PRKN: variants seen among roughly 807,000 people sequenced by gnomAD.
PRKN encodes parkin RBR E3 ubiquitin protein ligase, also known as E3 ubiquitin-protein ligase parkin.
Under a neutral mutation model 59.5 loss-of-function variants are expected in PRKN, and 56 were observed. The ratio of observed to expected loss-of-function variants is 0.94; its 90% CI spans 0.76 to 1.18. PRKN has a LOEUF of 1.18. Ranked by LOEUF, PRKN falls within the 50% of genes most tolerant of loss-of-function variation. The pLI, the probability that PRKN is intolerant of heterozygous loss-of-function variation, is 0.00. For synonymous variants in PRKN, 250 were observed against 222.1 expected (o/e 1.13, Z -1.12); for missense variants, 657 against 596.4 (o/e 1.10, Z -1.06).
In PRKN at chr6:161,860,826, CA is replaced by C. The variant is rs1488776911; in HGVS notation, c.735-74919del. On this transcript the variant is annotated intron_variant, in intron 6 of 11. Coordinates refer to ENST00000366898, the MANE Select transcript of PRKN (RefSeq NM_004562.3). The stretch of plus-strand genomic sequence containing the variant: ...TTTATGTGACCAACAAACGTATAAA[CA>C]AAAGCTCATCATCACTGGTCATTAG... 3.3e-5 allele frequency among the ~76,000 whole-genome samples: 5 copies of C among 152,242 alleles called. No individual in the cohort carries two copies. In the East Asian group the frequency reaches 7.7e-4, roughly 24 times the overall value.
intron 8 of PRKN, among the ~76,000 whole-genome samples, chr6:161,559,805 A>T (rs1455460813): frequency 6.6e-6 from 1 of 152,198 alleles, no homozygotes; most frequent in Non-Finnish European, 1.5e-5. Context: ...TAATGATCTA[A>T]TTAGAACTTG....
chr6:162,711,365 T>C (rs1225984113), intron 1 of PRKN, among the ~76,000 whole-genome samples: 1 of 150,862 alleles, frequency 6.6e-6, no homozygotes, highest in Non-Finnish European at 1.5e-5. Context: ...CTGCAGTAAG[T>C]GCTTATTCTC....
chr6:162,052,308 G>A (rs1777676153), intron 5 of PRKN, among the ~76,000 whole-genome samples: 1 of 151,482 alleles, frequency 6.6e-6, no homozygotes, highest in South Asian at 2.1e-4. Flanking sequence ...GTGTGTGTGT[G>A]CTTGTTTAAT....
Position 161,442,960 on chromosome 6 carries a change from G to A in PRKN, c.1084-56083C>T, listed in dbSNP as rs933607346. 4.6e-5 allele frequency among the ~76,000 whole-genome samples: 7 copies of A among 152,180 alleles called. No individual in the cohort carries two copies. Among genetic ancestry groups the A allele is most frequent in the Admixed American group, 3.9e-4 (6 of 15,276 alleles). On this transcript the variant is annotated intron_variant, in intron 9 of 11. Transcript: ENST00000366898. This position sits in a 1 kb window ranked among gnomAD's most constrained non-coding sequence, Gnocchi z 4.6. ...CCAGTGCACAGATGAGGAAATCGGG[G>A]CTCTGAGAGGTTAACTGACCTGCTC...
intron 4 of PRKN, among the ~76,000 whole-genome samples, chr6:162,123,629 T>A (rs985470854): frequency 3.3e-5 from 5 of 152,174 alleles, no homozygotes; most frequent in Middle Eastern, 3.2e-3. Context: ...GGTTGGAAAT[T>A]GTGTCTTCCA....
chr6:161,838,571 A>C (rs949740029), intron 6 of PRKN, among the ~76,000 whole-genome samples: 8 of 152,228 alleles, frequency 5.3e-5, no homozygotes, highest in African/African-American at 1.9e-4. Flanking sequence ...CTCAGCCTGG[A>C]TGTTAGCCCA....
At chr6:162,002,071 G>A (rs1782080938) in intron 5 of PRKN, among the ~76,000 whole-genome samples, 1 of 151,818 alleles carries the variant, frequency 6.6e-6, no homozygotes, top group Admixed American at 6.6e-5. Flanking sequence ...ATATTTTATT[G>A]AGGAATTTTG....
intron 6 of PRKN, among the ~76,000 whole-genome samples, chr6:161,845,570 T>C (rs1793166965): frequency 1.3e-5 from 2 of 152,090 alleles, no homozygotes; most frequent in Admixed American, 1.3e-4. Context: ...ATCACCCCAA[T>C]TTTTGCATAG....
chr6:161,547,380 G>A lies in PRKN; in HGVS notation c.1083+1474C>T, dbSNP rs559988482. Among the ~76,000 whole-genome samples, 17 of 152,186 alleles carry A rather than the reference G, an allele frequency of 1.1e-4. 1 individual carries two copies. The South Asian group carries it at 3.5e-3, about 32-fold the overall frequency. On this transcript the variant is annotated intron_variant, in intron 9 of 11. Transcript: ENST00000366898. This position sits in a 1 kb window ranked among gnomAD's most constrained non-coding sequence, Gnocchi z 4.0. ...CATGATTTGCAGCTTAAGTATGTAT[G>A]TTATTTACTTATAATTTACTTGTAT...
chr6:161,658,030 A>AAAAAAAAAAAAAAAAAAAAAAAG (rs781518268), intron 7 of PRKN, among the ~76,000 whole-genome samples: 16 of 104,896 alleles, frequency 1.5e-4, no homozygotes, highest in African/African-American at 1.7e-4. Context: ...AAAAAAAAAA[A>AAAAAAAAAAAAAAAAAAAAAAAG]AAAAGAAAAG....
chr6:161,459,958 C>A lies in PRKN; in HGVS notation c.1084-73081G>T, dbSNP rs560289951. Among the ~76,000 whole-genome samples the A allele has an allele frequency of 1.3e-5, 2 of 152,040 alleles. No homozygotes were observed. The highest frequency in any genetic ancestry group is 4.8e-5 in the African/African-American group (2 of 41,422). On this transcript the variant is annotated intron_variant, in intron 9 of 11. Coordinates refer to ENST00000366898, the MANE Select transcript of PRKN (RefSeq NM_004562.3). This position sits in a 1 kb window ranked among gnomAD's most constrained non-coding sequence, Gnocchi z 4.8. ...GTTGATATTTTGTAAAAAAAAAAAT[C>A]TATTTATCCATCAAATCACATATGC... is the stretch of plus-strand genomic sequence containing the variant.
chr6:162,108,541 G>A (rs1368354201), intron 4 of PRKN, among the ~76,000 whole-genome samples: 3 of 152,028 alleles, frequency 2.0e-5, no homozygotes, highest in Non-Finnish European at 4.4e-5. Context: ...AACTCAAATC[G>A]CAGAGTATTT....
chr6:161,833,517 C>G (rs1744803414), intron 6 of PRKN, among the ~76,000 whole-genome samples: 1 of 151,854 alleles, frequency 6.6e-6, no homozygotes, highest in Non-Finnish European at 1.5e-5. Flanking sequence ...TTTTTTTTCC[C>G]TGGGCTGCCT....
At chr6:161,862,665 A>C (rs1017900065) in intron 6 of PRKN, among the ~76,000 whole-genome samples, 2 of 152,102 alleles carry the variant, frequency 1.3e-5, no homozygotes, top group Admixed American at 6.6e-5. Flanking sequence ...GGAATGAACC[A>C]CCATGGCTGT....
intron 7 of PRKN, among the ~76,000 whole-genome samples, chr6:161,776,111 A>G (rs886369919): frequency 3.9e-5 from 6 of 152,232 alleles, no homozygotes; most frequent in African/African-American, 1.2e-4. Flanking sequence ...AATCTGTGCT[A>G]CCAGGGCTTA....
In PRKN at chr6:162,377,022, G is replaced by C. The variant is rs962693729; in HGVS notation, c.171+66288C>G. On this transcript the variant is annotated intron_variant, in intron 2 of 11. Coordinates refer to ENST00000366898, the MANE Select transcript of PRKN (RefSeq NM_004562.3). ...ATGCGCTGGACACAGTGCCCACTTA[G>C]CAGGAACCGCTGCAGCTACAGATGG... Among the ~76,000 whole-genome samples, 3 of 152,076 alleles carry C rather than the reference G, an allele frequency of 2.0e-5. No individual in the cohort carries two copies. The East Asian group carries it at 5.8e-4, about 30-fold the overall frequency.
At chr6:162,561,862 A>G (rs1454809443) in intron 1 of PRKN, among the ~76,000 whole-genome samples, 1 of 152,180 alleles carries the variant, frequency 6.6e-6, no homozygotes, top group Non-Finnish European at 1.5e-5. Context: ...AGTCTAGGCC[A>G]TAAGGACTAC....
At chr6:162,077,994 C>A (rs1205259792) in intron 4 of PRKN, among the ~76,000 whole-genome samples, 1 of 114,728 alleles carries the variant, frequency 8.7e-6, no homozygotes, top group Non-Finnish European at 1.7e-5. Context: ...GAGAGAGACT[C>A]TCTCTCTAAA....
In PRKN at chr6:161,718,510, GA is replaced by G. The variant is rs555602131; in HGVS notation, c.871+67261del. Among the ~76,000 whole-genome samples, 90 of 152,230 alleles carry G rather than the reference GA, an allele frequency of 5.9e-4. 1 individual carries two copies. The highest frequency in any genetic ancestry group is 1.0e-4 in the Non-Finnish European group (7 of 68,006). Reference sequence around the variant, plus strand: ...TTGGGAACCAAGGAAACTAGTCAATGAAAAAAATAAATGAGTCCACCCAATT... The same window carrying G: ...TTGGGAACCAAGGAAACTAGTCAATGAAAAAATAAATGAGTCCACCCAATT... On this transcript the variant is annotated intron_variant, in intron 7 of 11. Transcript: ENST00000366898.
Sources: allele counts gnomAD v4.1 joint callset (sites outside exome capture counted in the v4.1 genomes callset), GRCh38; gene constraint gnomAD v4.1.1; non-coding constraint Gnocchi (gnomAD v3.1); transcripts MANE v1.5; gene names NCBI Gene and HGNC (gene_info 2026-07-23, HGNC 2026-07-21).